ARHGAP28: variants seen among roughly 807,000 people sequenced by gnomAD.
ARHGAP28 encodes Rho GTPase activating protein 28.
ARHGAP28 carries 56 observed loss-of-function variants against 90.7 expected under a neutral mutation model. The ratio of observed to expected loss-of-function variants is 0.62; its 90% CI spans 0.50 to 0.77. ARHGAP28 has a LOEUF of 0.77. Ranked by LOEUF, ARHGAP28 falls within the 30% of genes least tolerant of loss-of-function variation. The pLI, the probability that ARHGAP28 is intolerant of heterozygous loss-of-function variation, is 0.00. For synonymous variants in ARHGAP28, 308 were observed against 323.3 expected (o/e 0.95, Z 0.51); for missense variants, 869 against 900.9 (o/e 0.96, Z 0.45).
chr18:6,862,025 T>TA (rs1344679814), intron 5 of ARHGAP28, among the ~76,000 whole-genome samples: 3 of 152,184 alleles, frequency 2.0e-5, no homozygotes, highest in Non-Finnish European at 4.4e-5. Context: ...GTATTGGGTC[T>TA]AAAAAATATC....
chr18:6,787,460 C>T (rs2056374496), intron 1 of ARHGAP28, among the ~76,000 whole-genome samples: 1 of 152,064 alleles, frequency 6.6e-6, no homozygotes, highest in African/African-American at 2.4e-5. Context: ...GGGATGTAGT[C>T]TGTTAACTGG....
intron 1 of ARHGAP28, among the ~76,000 whole-genome samples, chr18:6,804,130 G>T (rs745351237): frequency 6.6e-6 from 1 of 152,146 alleles, no homozygotes; most frequent in Non-Finnish European, 1.5e-5. Flanking sequence ...ATAGATAAAG[G>T]GCTATTCAGG....
intron 1 of ARHGAP28, among the ~76,000 whole-genome samples, chr18:6,736,442 T>C (rs1161224136): frequency 1.3e-5 from 2 of 151,842 alleles, no homozygotes; most frequent in African/African-American, 4.8e-5. Flanking sequence ...ATTAATAGGC[T>C]CAAAGGAAAA....
At chr18:6,846,343 A>G (rs1404057321) in intron 3 of ARHGAP28, among the ~76,000 whole-genome samples, 1 of 152,096 alleles carries the variant, frequency 6.6e-6, no homozygotes, top group Non-Finnish European at 1.5e-5. Flanking sequence ...TTTATGTTAC[A>G]TAGATTTCAT....
At chr18:6,756,688 A>T (rs923755976) in intron 1 of ARHGAP28, among the ~76,000 whole-genome samples, 1 of 152,218 alleles carries the variant, frequency 6.6e-6, no homozygotes, top group Non-Finnish European at 1.5e-5. Context: ...GGAAGGCAGT[A>T]GTGGCTCAGT....
rs547895934 is a variant in ARHGAP28, at chr18:6,903,845, A to G, written c.2031-5115A>G. Among the ~76,000 whole-genome samples the G allele has an allele frequency of 8.4e-4, 126 of 150,890 alleles. 1 individual carries two copies. Among genetic ancestry groups the G allele is most frequent in the African/African-American group, 2.9e-3 (119 of 41,224 alleles). On this transcript the variant is annotated intron_variant, in intron 16 of 17. Transcript: ENST00000383472. ...CCATCTCAAAAAAAAAAAAAAAAAAAGAATCCAGAAAGATAGACCAAATCC... is the reference window on the plus strand; with the variant it reads ...CCATCTCAAAAAAAAAAAAAAAAAAGGAATCCAGAAAGATAGACCAAATCC...
intron 4 of ARHGAP28, among the ~76,000 whole-genome samples, chr18:6,852,579 G>A (rs939384983): frequency 6.6e-6 from 1 of 151,872 alleles, no homozygotes; most frequent in Admixed American, 6.6e-5. Flanking sequence ...ACAAAACTAA[G>A]AAATTAATGG....
intron 1 of ARHGAP28, among the ~76,000 whole-genome samples, chr18:6,819,903 C>A (rs183814015): frequency 2.6e-5 from 4 of 152,172 alleles, no homozygotes; most frequent in Non-Finnish European, 5.9e-5. Context: ...CATGCTCTGC[C>A]TCTCACTCTA....
chr18:6,809,145 T>G (rs1680103802), intron 1 of ARHGAP28, among the ~76,000 whole-genome samples: 1 of 152,200 alleles, frequency 6.6e-6, no homozygotes, highest in Non-Finnish European at 1.5e-5. Flanking sequence ...AAGGCTAATT[T>G]AATTTGTTTT....
chr18:6,749,765 T>C (rs1274484071), intron 1 of ARHGAP28, among the ~76,000 whole-genome samples: 3 of 152,164 alleles, frequency 2.0e-5, no homozygotes, highest in Non-Finnish European at 2.9e-5. Context: ...TTTAGAGTAG[T>C]AATATAATCA....
rs769822230 is a variant in ARHGAP28, at chr18:6,873,456, T to C, written c.1002T>C (p.Asp334=). ...KTRFGLTEAG[D]LSAEDMKKIR... is the part of the protein sequence containing the mutation. ...GATTTGGCTTAACTGAAGCAGGAGA[T>C]CTGTCTGCTGAAGACATGAAGAAAA... The change falls in exon 8 of 18, where the codon GAT becomes GAC. Residue 334 remains aspartate, a synonymous_variant. Coordinates refer to ENST00000383472, the MANE Select transcript of ARHGAP28 (RefSeq NM_001366230.1). 1 of 1,613,584 alleles carries C rather than the reference T, an allele frequency of 6.2e-7. No individual in the cohort carries two copies. The highest frequency in any genetic ancestry group is 1.3e-5 in the African/African-American group (1 of 74,932).
At chr18:6,750,143 CT>C (rs1221519326) in intron 1 of ARHGAP28, among the ~76,000 whole-genome samples, 2 of 152,130 alleles carry the variant, frequency 1.3e-5, no homozygotes, top group East Asian at 1.9e-4. Context: ...TGAGTGCTTC[CT>C]ATAAAGCAAG....
chr18:6,809,527 T>C lies in ARHGAP28; in HGVS notation c.123-15235T>C, dbSNP rs550994747. On this transcript the variant is annotated intron_variant, in intron 1 of 17. Transcript: ENST00000383472. ...TGCTTCTGGGGAGGCCTCATGAAACTTACAATCAGGGCAGAAGGTGAAGGG... is the reference window on the plus strand; with the variant it reads ...TGCTTCTGGGGAGGCCTCATGAAACCTACAATCAGGGCAGAAGGTGAAGGG... Among the ~76,000 whole-genome samples the C allele has an allele frequency of 4.6e-5, 7 of 152,160 alleles. 1 individual carries two copies. The highest frequency in any genetic ancestry group is 3.3e-4 in the Admixed American group (5 of 15,284).
intron 1 of ARHGAP28, among the ~76,000 whole-genome samples, chr18:6,763,017 C>T (rs542013553): frequency 6.6e-6 from 1 of 152,296 alleles, no homozygotes; most frequent in South Asian, 2.1e-4. Context: ...CAAAACTATA[C>T]TGACCATTCA....
chr18:6,862,288 T>C (rs1323620252), intron 5 of ARHGAP28, among the ~76,000 whole-genome samples: 1 of 151,974 alleles, frequency 6.6e-6, no homozygotes, highest in East Asian at 1.9e-4. Flanking sequence ...GCTTCAGGGG[T>C]CCTGTCTGTG....
chr18:6,880,614 G>A lies in ARHGAP28; in HGVS notation c.1291-1523G>A, dbSNP rs565794927. On this transcript the variant is annotated intron_variant, in intron 10 of 17. Coordinates refer to ENST00000383472, the MANE Select transcript of ARHGAP28 (RefSeq NM_001366230.1). ...CAGCCTTGTTCCTTGCCCTAGATGC[G>A]CCAGCAAGGCTGAATGAACTGGAGT... Among the ~76,000 whole-genome samples, 10 of 152,296 alleles carry A rather than the reference G, an allele frequency of 6.6e-5. No homozygotes were observed. The South Asian group carries it at 1.0e-3, about 16-fold the overall frequency.
chr18:6,769,645 G>A (rs1022302027), intron 1 of ARHGAP28, among the ~76,000 whole-genome samples: 20 of 152,188 alleles, frequency 1.3e-4, no homozygotes, highest in African/African-American at 4.8e-4. Flanking sequence ...CCTATGTTGT[G>A]CCAAAGCCAG....
intron 2 of ARHGAP28, among the ~76,000 whole-genome samples, chr18:6,829,148 C>A (rs1354740951): frequency 6.6e-6 from 1 of 152,200 alleles, no homozygotes; most frequent in East Asian, 1.9e-4. Context: ...CTATTACTTG[C>A]TTGCTTAGAT....
chr18:6,781,613 G>A (rs1477097858), intron 1 of ARHGAP28, among the ~76,000 whole-genome samples: 1 of 152,142 alleles, frequency 6.6e-6, no homozygotes, highest in African/African-American at 2.4e-5. Flanking sequence ...CACAAAAGAA[G>A]GGAAGCAGGA....
Sources: allele counts gnomAD v4.1 joint callset (sites outside exome capture counted in the v4.1 genomes callset), GRCh38; gene constraint gnomAD v4.1.1; transcripts MANE v1.5; gene names NCBI Gene and HGNC (gene_info 2026-07-23, HGNC 2026-07-21).